RUBCNL: variants seen among roughly 807,000 people sequenced by gnomAD.
RUBCNL encodes the protein rubicon like autophagy enhancer.
RUBCNL carries 62 observed loss-of-function variants against 69.5 expected under a neutral mutation model. The ratio of observed to expected loss-of-function variants is 0.89; its 90% CI spans 0.73 to 1.10. The LOEUF is 1.10. RUBCNL is among the 50% of genes least tolerant of loss of function. The pLI is 0.00. For missense variants in RUBCNL, 768 were observed against 798.1 expected, an observed-to-expected ratio of 0.96 and a Z score of 0.45; for synonymous variants, 291 against 303.6, an observed-to-expected ratio of 0.96 and a Z score of 0.43.
chr13:46,383,928 T>G (rs915597057), intron 1 of RUBCNL, among the ~76,000 whole-genome samples: 3 of 152,176 alleles, frequency 2.0e-5, no homozygotes, highest in African/African-American at 4.8e-5. Flanking sequence ...TAGCCCTAAT[T>G]CTACAAGCAC....
intron 8 of RUBCNL, among the ~76,000 whole-genome samples, chr13:46,360,684 C>T (rs1594153787): frequency 6.6e-6 from 1 of 152,218 alleles, no homozygotes; most frequent in South Asian, 2.1e-4. Flanking sequence ...CTCTGCACTT[C>T]GAGGGCATTT....
chr13:46,343,187 C>T lies in RUBCNL; in HGVS notation c.*198G>A, dbSNP rs1566059473. ...CAAAACAGAACATTTGTAAACAAAA[C>T]CACAACTATCAGCCCTGTGCTTAAA... On this transcript the variant is annotated 3_prime_UTR_variant, in exon 15 of 15. Coordinates refer to ENST00000429979, the MANE Select transcript of RUBCNL (RefSeq NM_025113.5). 1 of 857,732 alleles carries T rather than the reference C, an allele frequency of 1.2e-6. No homozygotes were observed. The highest frequency in any genetic ancestry group is 2.3e-5 in the South Asian group (1 of 43,332). 53.1% of individuals were successfully genotyped at this position (857,732 alleles called of 1,614,324 possible).
At chr13:46,362,970 A>ATATG (rs2048665136) in intron 6 of RUBCNL, 145 bp downstream of exon 6, 1 of 151,322 alleles carries the variant, frequency 6.6e-6, no homozygotes, top group Non-Finnish European at 1.3e-5. Context: ...ATATATATAT[A>ATATG]TATATCAGGG....
chr13:46,365,924 A>G (rs2048744497), intron 5 of RUBCNL, among the ~76,000 whole-genome samples: 1 of 152,232 alleles, frequency 6.6e-6, no homozygotes, highest in Non-Finnish European at 1.5e-5. Context: ...AATCGGTATT[A>G]AAGAACTAAA....
chr13:46,351,801 A>G (rs4942514), intron 10 of RUBCNL, among the ~76,000 whole-genome samples: 59,857 of 149,992 alleles, frequency 0.4, 12,680 homozygotes, highest in East Asian at 0.59. Context: ...GGAGGGTAGG[A>G]GAAAGAAGGA....
At chr13:46,373,414 A>G (rs1381242216) in intron 2 of RUBCNL, among the ~76,000 whole-genome samples, 2 of 152,216 alleles carry the variant, frequency 1.3e-5, no homozygotes, top group South Asian at 4.1e-4. Flanking sequence ...TACTTATAAT[A>G]TCAGTATCAA....
chr13:46,383,641 A>G (rs1388806265), intron 1 of RUBCNL, among the ~76,000 whole-genome samples: 1 of 152,218 alleles, frequency 6.6e-6, no homozygotes, highest in Non-Finnish European at 1.5e-5. Context: ...TCTACACAGC[A>G]ACATCCAAAG....
intron 1 of RUBCNL, among the ~76,000 whole-genome samples, chr13:46,379,319 A>C (rs1594183027): frequency 6.6e-6 from 1 of 152,090 alleles, no homozygotes; most frequent in Admixed American, 6.5e-5. Context: ...CAGGTGATCC[A>C]CCCACCTCGG....
rs1451868243 is a variant in RUBCNL, at chr13:46,368,774, A to C, written c.577T>G (p.Phe193Val). 38 of 1,613,774 alleles carry C rather than the reference A, an allele frequency of 2.4e-5. No homozygotes were observed. Among genetic ancestry groups the C allele is most frequent in the Non-Finnish European group, 3.2e-5 (38 of 1,179,846 alleles). The change falls in exon 4 of 15, where the codon TTC (phenylalanine) becomes GTC (valine). Residue 193 changes from phenylalanine to valine, a missense_variant. By Grantham distance (50) the Phe-to-Val change is conservative. Transcript: ENST00000429979. ...VSRRTISSNS[F>V]SPEVFVLPVD... ...GGCAGCACAAATACCTCTGGTGAGA[A>C]GGAATTCGAAGAAATGGTTCTTCTA...
rs1377609753 is a variant in RUBCNL at position 46,335,503 on chromosome 13, T to C, written c.*7882A>G. On this transcript the variant is annotated 3_prime_UTR_variant, in exon 15 of 15. Coordinates refer to ENST00000429979, the MANE Select transcript of RUBCNL (RefSeq NM_025113.5). ...CTGGTGTTGTGTGGAGAATGGACTA[T>C]AGAGGGGCAAGTGTGGAAAGAGGAG... 6.6e-6 allele frequency among the ~76,000 whole-genome samples: 1 copy of C among 152,248 alleles called. No homozygotes were observed. The highest frequency in any genetic ancestry group is 1.9e-4 in the East Asian group (1 of 5,176).
At chr13:46,344,581 A>G (rs1431249370) in intron 14 of RUBCNL, among the ~76,000 whole-genome samples, 160 bp downstream of exon 14, 1 of 152,180 alleles carries the variant, frequency 6.6e-6, no homozygotes, top group Non-Finnish European at 1.5e-5. Context: ...ATTATCTCCA[A>G]TCCAGCATAC....
intron 8 of RUBCNL, 128 bp from the exon 9 acceptor site, chr13:46,359,759 A>T (rs1366075598): frequency 1.1e-6 from 1 of 898,934 alleles, no homozygotes; most frequent in African/African-American, 1.7e-5. Flanking sequence ...TTTTAACTGA[A>T]CTAAAGGGCA....
In RUBCNL at chr13:46,336,321, T is replaced by C. The variant is rs967243165; in HGVS notation, c.*7064A>G. Among the ~76,000 whole-genome samples, 8 of 152,230 alleles carry C rather than the reference T, an allele frequency of 5.3e-5. No homozygotes were observed. The highest frequency in any genetic ancestry group is 5.2e-4 in the Admixed American group (8 of 15,286). On this transcript the variant is annotated 3_prime_UTR_variant, in exon 15 of 15. Coordinates refer to ENST00000429979, the MANE Select transcript of RUBCNL (RefSeq NM_025113.5). ...CCAACAGCTAATCTGATTTCTCCAC[T>C]GTGGGCATGGACAGTAGAAATGCAA...
At chr13:46,345,864 G>T (rs183713119) in intron 12 of RUBCNL, among the ~76,000 whole-genome samples, 20 of 152,312 alleles carry the variant, frequency 1.3e-4, no homozygotes, top group Admixed American at 4.6e-4. Flanking sequence ...CTTACAGCCT[G>T]CCCATGCACA....
At chr13:46,350,490 G>C (rs907720700) in intron 10 of RUBCNL, 139 bp from the exon 11 acceptor site, 3 of 636,666 alleles carry the variant, frequency 4.7e-6, no homozygotes, top group Non-Finnish European at 8.1e-6. Flanking sequence ...TCAACCTCAT[G>C]ACAGCTGGGA....
At position 46,345,486 on chromosome 13, in the gene RUBCNL, G is replaced by C; in HGVS notation, c.1746C>G (p.Asp582Glu). The change falls in exon 13 of 15, where the codon GAC (aspartate) becomes GAG (glutamate). Residue 582 changes from aspartate (D) to glutamate (E), a missense_variant. Asp to Glu is a conservative substitution (Grantham distance 45, BLOSUM62 2). Transcript: ENST00000429979. Reference sequence around the variant, plus strand: ...CATGTGCAAGGGAAGCTTTCAGAATGTCCTTGAGTAAGGGTGCCAGCAGCC... The same window carrying C: ...CATGTGCAAGGGAAGCTTTCAGAATCTCCTTGAGTAAGGGTGCCAGCAGCC... The part of the protein sequence containing the change: ...KKGLLAPLLK[D>E]ILKASLAHVA... 6.3e-7 allele frequency: 1 copy of C among 1,588,730 alleles called. No homozygotes were observed. Among genetic ancestry groups the C allele is most frequent in the Non-Finnish European group, 8.6e-7 (1 of 1,167,554 alleles).
intron 10 of RUBCNL, among the ~76,000 whole-genome samples, chr13:46,354,087 A>C (rs2048430254): frequency 6.6e-6 from 1 of 152,248 alleles, no homozygotes; most frequent in African/African-American, 2.4e-5. Flanking sequence ...GACAATATAG[A>C]GAATTGTTTT....
At chr13:46,371,560 T>C (rs1488583315) in intron 3 of RUBCNL, among the ~76,000 whole-genome samples, 2 of 152,190 alleles carry the variant, frequency 1.3e-5, no homozygotes, top group African/African-American at 2.4e-5. Context: ...CACCACCTAC[T>C]AGGTACTGGT....
Position 46,348,606 on chromosome 13 carries a change from A to ATTT in RUBCNL, c.1631+677_1631+679dup, listed in dbSNP as rs386379048. ...TAGTGAATAAGTCTCACGAGATTTG[A>ATTT]TTTTTTTTTTTTTTTTGAGACGGAA... is the stretch of plus-strand genomic sequence containing the variant. On this transcript the variant is annotated intron_variant, in intron 12 of 14. Coordinates refer to ENST00000429979, the MANE Select transcript of RUBCNL (RefSeq NM_025113.5). Among the ~76,000 whole-genome samples, 777 of 138,846 alleles carry ATTT rather than the reference A, an allele frequency of 5.6e-3. 12 individuals are homozygous for ATTT. The highest frequency in any genetic ancestry group is 0.016 in the African/African-American group (604 of 37,392). 91.1% of individuals were successfully genotyped at this position (138,846 alleles called of 152,430 possible). A position where few individuals can be genotyped will look rare whatever the true frequency, so the allele number is the denominator to read the frequency against.
Sources: allele counts gnomAD v4.1 joint callset (sites outside exome capture counted in the v4.1 genomes callset), GRCh38; gene constraint gnomAD v4.1.1; transcripts MANE v1.5; gene names NCBI Gene and HGNC (gene_info 2026-07-23, HGNC 2026-07-21).